Variants in GATA4 observed in about 807,000 individuals in gnomAD.
The protein encoded by GATA4 is transcription factor GATA-4.
GATA4 carries 7 observed loss-of-function variants against 37.9 expected under a neutral mutation model. The observed-to-expected ratio is 0.18, with a 90% confidence interval of 0.11 to 0.35. GATA4 has a LOEUF of 0.35. Ranked by LOEUF, GATA4 falls within the 10% of genes least tolerant of loss-of-function variation. GATA4 has a pLI of 1.00. For missense variants in GATA4, 647 were observed against 653.0 expected (o/e 0.99, Z 0.10); for synonymous variants, 372 against 292.6 (o/e 1.27, Z -2.77).
intron 1 of GATA4, among the ~76,000 whole-genome samples, chr8:11,678,086 T>A (rs929078825): frequency 6.6e-6 from 1 of 150,384 alleles, no homozygotes; most frequent in African/African-American, 2.4e-5. Context: ...TGAGAAGGAG[T>A]GCAGCTTTGA....
chr8:11,753,339 G>T (rs1034443321), intron 4 of GATA4, among the ~76,000 whole-genome samples: 1 of 152,202 alleles, frequency 6.6e-6, no homozygotes, highest in African/African-American at 2.4e-5. Flanking sequence ...GATGTTTAAT[G>T]GGTATGGAGT....
At chr8:11,713,592 G>T (rs1399568521) in intron 2 of GATA4, among the ~76,000 whole-genome samples, 1 of 150,316 alleles carries the variant, frequency 6.7e-6, no homozygotes. Flanking sequence ...TCACTGAGTG[G>T]ATGAAAGCAA....
At chr8:11,715,811 G>A (rs1800411189) in intron 2 of GATA4, among the ~76,000 whole-genome samples, 1 of 151,924 alleles carries the variant, frequency 6.6e-6, no homozygotes, top group Non-Finnish European at 1.5e-5. Flanking sequence ...AAATACCTTT[G>A]CATTGCTGTG....
At chr8:11,710,966 C>A (rs1350325833) in intron 2 of GATA4, among the ~76,000 whole-genome samples, 2 of 151,748 alleles carry the variant, frequency 1.3e-5, no homozygotes, top group African/African-American at 2.4e-5. Flanking sequence ...CAAAAATTAG[C>A]TGGGTTTGGT....
chr8:11,705,257 G>T (rs1799842178), intron 1 of GATA4, among the ~76,000 whole-genome samples: 1 of 151,806 alleles, frequency 6.6e-6, no homozygotes, highest in African/African-American at 2.4e-5. Flanking sequence ...CCGAGAGCAG[G>T]TTTCAGGCTT....
At chr8:11,693,332 C>G (rs1461489710) in intron 1 of GATA4, among the ~76,000 whole-genome samples, 2 of 151,936 alleles carry the variant, frequency 1.3e-5, no homozygotes, top group African/African-American at 4.8e-5. Context: ...GGCGTCGTGG[C>G]GCGCGCCTGT....
intron 2 of GATA4, among the ~76,000 whole-genome samples, chr8:11,717,906 C>A (rs914361347): frequency 6.6e-6 from 1 of 152,206 alleles, no homozygotes; most frequent in Non-Finnish European, 1.5e-5. Context: ...AAAGAGACTT[C>A]CCAGGATTCA....
chr8:11,678,911 T>G (rs927288962), intron 1 of GATA4, among the ~76,000 whole-genome samples: 2 of 152,212 alleles, frequency 1.3e-5, no homozygotes, highest in Non-Finnish European at 2.9e-5. Flanking sequence ...TGCTTAGTAT[T>G]GAGGAAGTGT....
chr8:11,695,942 A>C (rs970414618), intron 1 of GATA4, among the ~76,000 whole-genome samples: 3 of 152,204 alleles, frequency 2.0e-5, no homozygotes, highest in Non-Finnish European at 4.4e-5. Context: ...CTTTAAAAAG[A>C]AATGCAAGGC....
chr8:11,706,878 G>C (rs1047208775), intron 1 of GATA4, among the ~76,000 whole-genome samples: 7 of 152,166 alleles, frequency 4.6e-5, no homozygotes, highest in African/African-American at 1.4e-4. Flanking sequence ...GTAGAGAAAA[G>C]GACCTGGAGG....
intron 1 of GATA4, among the ~76,000 whole-genome samples, chr8:11,694,859 C>G (rs752839677): frequency 1.5e-4 from 23 of 152,272 alleles, no homozygotes; most frequent in Non-Finnish European, 2.2e-4. Context: ...CTCTCTGTCT[C>G]TCTCTCACTC....
chr8:11,685,666 T>A (rs1563185793), intron 1 of GATA4, among the ~76,000 whole-genome samples: 1 of 152,242 alleles, frequency 6.6e-6, no homozygotes, highest in Non-Finnish European at 1.5e-5. Flanking sequence ...CCCTCCCCAT[T>A]TAGAAAATGT....
chr8:11,688,459 A>G (rs1421738244), upstream of GATA4, among the ~76,000 whole-genome samples: 1 of 152,236 alleles, frequency 6.6e-6, no homozygotes, highest in Non-Finnish European at 1.5e-5. Flanking sequence ...CCAGCCATCA[A>G]GAACTTTTTA....
At chr8:11,713,227 T>C (rs1459164994) in intron 2 of GATA4, among the ~76,000 whole-genome samples, 1 of 152,224 alleles carries the variant, frequency 6.6e-6, no homozygotes, top group Non-Finnish European at 1.5e-5. Flanking sequence ...CTGCAATGTA[T>C]GTGAACTTTA....
intron 2 of GATA4, among the ~76,000 whole-genome samples, chr8:11,748,670 A>T (rs901634031): frequency 1.3e-5 from 2 of 152,198 alleles, no homozygotes; most frequent in Non-Finnish European, 2.9e-5. Flanking sequence ...CCCGCCTCCC[A>T]GCCCAGGACG....
chr8:11,693,556 CACACACAGAGAGAG>C (rs752019230), intron 1 of GATA4, among the ~76,000 whole-genome samples: 30 of 103,592 alleles, frequency 2.9e-4, no homozygotes, highest in East Asian at 1.1e-3. Flanking sequence ...CACACACACA[CACACACAGAGAGAG>C]AGAGAGAGAG....
upstream of GATA4, among the ~76,000 whole-genome samples, chr8:11,688,268 T>C (rs1033695588): frequency 1.3e-5 from 2 of 152,196 alleles, no homozygotes; most frequent in African/African-American, 4.8e-5. Context: ...TCTCCTGAAA[T>C]ATGAAAAAGA....
At chr8:11,690,746 C>G (rs77595212), upstream of GATA4, among the ~76,000 whole-genome samples, 2 of 152,130 alleles carry the variant, frequency 1.3e-5, no homozygotes, top group Non-Finnish European at 2.9e-5. Flanking sequence ...TGGTGCGCAC[C>G]TGTACTCCTC....
chr8:11,720,778 G>GT (rs560648692), intron 2 of GATA4, among the ~76,000 whole-genome samples: 7 of 149,942 alleles, frequency 4.7e-5, no homozygotes, highest in Non-Finnish European at 8.8e-5. Flanking sequence ...GACCTGATCT[G>GT]GTTTTTTTTT....
Sources: gnomAD v4.1 joint callset for allele counts (sites outside exome capture counted in the v4.1 genomes callset) on GRCh38, gnomAD v4.1.1 for gene constraint, MANE v1.5 for transcripts, NCBI Gene and HGNC (gene_info 2026-07-23, HGNC 2026-07-21) for gene names.